Variants in COBLL1 observed in about 807,000 individuals in gnomAD.
The protein encoded by COBLL1 is cordon-bleu WH2 repeat protein like 1.
A neutral mutation model predicts 94.8 loss-of-function variants in COBLL1; 50 were observed. That is an observed-to-expected ratio of 0.53 (90% confidence interval 0.42 to 0.67). COBLL1 has a LOEUF of 0.67. Among genes scored for constraint, COBLL1 ranks in the 30% least tolerant of loss-of-function variants. The pLI is 0.00. For synonymous variants in COBLL1, 448 were observed against 473.8 expected (o/e 0.95, Z 0.71); for missense variants, 1,362 against 1,348.7 (o/e 1.01, Z -0.15).
Position 164,805,287 on chromosome 2 carries a change from G to GTC in COBLL1, c.41+35867_41+35868dup, listed in dbSNP as rs543005860. ...TACTGATATATTATTCTCTCTGTCTGTCTCTCTCTCTCTCTCTCTCTCTCT... is the reference window on the plus strand; with the variant it reads ...TACTGATATATTATTCTCTCTGTCTGTCTCTCTCTCTCTCTCTCTCTCTCTCT... On this transcript the variant is annotated intron_variant, in intron 2 of 13. Transcript: ENST00000652658. Among the ~76,000 whole-genome samples, 28 of 34,242 alleles carry GTC rather than the reference G, an allele frequency of 8.2e-4. 1 individual carries two copies. The highest frequency in any genetic ancestry group is 1.1e-3 in the African/African-American group (8 of 7,464). 22.5% of individuals were successfully genotyped at this position (34,242 alleles called of 152,430 possible).
intron 2 of COBLL1, among the ~76,000 whole-genome samples, chr2:164,825,216 C>A (rs1046485308): frequency 6.6e-6 from 1 of 151,972 alleles, no homozygotes; most frequent in East Asian, 1.9e-4. Flanking sequence ...ATTACTGTGA[C>A]CCTGATACTT....
chr2:164,776,386 T>C (rs1194111836), intron 2 of COBLL1, among the ~76,000 whole-genome samples: 7 of 152,046 alleles, frequency 4.6e-5, no homozygotes, highest in African/African-American at 1.7e-4. Context: ...GTCTGGTATA[T>C]ACAAGCACCC....
chr2:164,787,112 C>T (rs922439878), intron 2 of COBLL1, among the ~76,000 whole-genome samples: 1 of 152,170 alleles, frequency 6.6e-6, no homozygotes, highest in East Asian at 1.9e-4. Flanking sequence ...TCCACAAACA[C>T]TAAGGAATTG....
At chr2:164,711,904 T>A (rs965782884) in intron 7 of COBLL1, among the ~76,000 whole-genome samples, 6 of 152,192 alleles carry the variant, frequency 3.9e-5, no homozygotes, top group Non-Finnish European at 1.5e-5. Context: ...CTGATAAGTC[T>A]GCTTGCCATT....
chr2:164,834,699 T>C (rs984132088), intron 2 of COBLL1, among the ~76,000 whole-genome samples: 10 of 152,244 alleles, frequency 6.6e-5, no homozygotes, highest in African/African-American at 2.2e-4. Flanking sequence ...TACTCAACTA[T>C]AATGTGAAAG....
intron 2 of COBLL1, among the ~76,000 whole-genome samples, chr2:164,782,076 C>T (rs1021409002): frequency 6.6e-6 from 1 of 152,110 alleles, no homozygotes; most frequent in Non-Finnish European, 1.5e-5. Context: ...CCAGCCAACA[C>T]TTCTAATTCT....
rs886682052 is a variant in COBLL1, at chr2:164,684,755, G to A, written c.*1191C>T. The A allele has an allele frequency of 4.6e-5, 7 of 151,798 alleles. No individual in the cohort carries two copies. The highest frequency in any genetic ancestry group is 1.5e-4 in the African/African-American group (6 of 41,312). The allele number at this position is 151,798 out of a possible 1,614,324, so 9.4% of individuals were successfully genotyped here. A position where few individuals can be genotyped will look rare whatever the true frequency, so the allele number is the denominator to read the frequency against. On this transcript the variant is annotated 3_prime_UTR_variant, in exon 14 of 14. Transcript: ENST00000652658. ...TGACACAAACTATATATTTTAAAAA[G>A]CACCCCAAATATACAACTTGCTTTT...
chr2:164,735,465 T>C (rs1180335673), intron 3 of COBLL1, among the ~76,000 whole-genome samples: 1 of 152,182 alleles, frequency 6.6e-6, no homozygotes, highest in Non-Finnish European at 1.5e-5. Context: ...AAATATTTAA[T>C]TGAAGCCTCA....
intron 2 of COBLL1, among the ~76,000 whole-genome samples, chr2:164,767,389 T>C (rs938540224): frequency 6.6e-6 from 1 of 152,208 alleles, no homozygotes; most frequent in African/African-American, 2.4e-5. Flanking sequence ...CAAAATTCTC[T>C]AATATTTCTA....
At chr2:164,773,274 G>A (rs1057365026) in intron 2 of COBLL1, among the ~76,000 whole-genome samples, 24 of 152,038 alleles carry the variant, frequency 1.6e-4, no homozygotes, top group African/African-American at 5.6e-4. Flanking sequence ...CTAGATTAGC[G>A]TGATTATCAT....
At chr2:164,823,485 TTACCCTCCTTC>T (rs1262438400) in intron 2 of COBLL1, among the ~76,000 whole-genome samples, 14 of 152,156 alleles carry the variant, frequency 9.2e-5, no homozygotes, top group Admixed American at 9.2e-4. Context: ...TCCAAACCTC[TTACCCTCCTTC>T]ACCGCAGCAA....
At chr2:164,816,644 A>T (rs1684764189) in intron 2 of COBLL1, among the ~76,000 whole-genome samples, 1 of 152,300 alleles carries the variant, frequency 6.6e-6, no homozygotes, top group South Asian at 2.1e-4. Context: ...ATAATATAAA[A>T]ATATATATCT....
At chr2:164,784,338 T>C (rs2105282069) in intron 2 of COBLL1, among the ~76,000 whole-genome samples, 1 of 152,132 alleles carries the variant, frequency 6.6e-6, no homozygotes, top group East Asian at 1.9e-4. Flanking sequence ...CCTAGGTCGT[T>C]TTATTATTCT....
intron 12 of COBLL1, 127 bp from the exon 13 acceptor site, chr2:164,692,524 GCT>G: frequency 1.5e-6 from 1 of 687,754 alleles, no homozygotes; most frequent in Non-Finnish European, 2.4e-6. Flanking sequence ...TTCAGACACA[GCT>G]CTGTTTCCTC....
chr2:164,691,252 C>T (rs1028582609), intron 13 of COBLL1, among the ~76,000 whole-genome samples: 8 of 152,086 alleles, frequency 5.3e-5, no homozygotes, highest in South Asian at 2.1e-4. Context: ...TTGAAAGGCC[C>T]GGAAAGCCTT....
intron 2 of COBLL1, among the ~76,000 whole-genome samples, chr2:164,767,911 T>G (rs887882675): frequency 1.3e-5 from 2 of 152,180 alleles, no homozygotes; most frequent in Non-Finnish European, 2.9e-5. Context: ...AACAAAATTT[T>G]GAAGAAATAT....
chr2:164,766,942 C>T lies in COBLL1; in HGVS notation c.42-23067G>A, dbSNP rs192256144. Among the ~76,000 whole-genome samples the T allele has an allele frequency of 5.2e-3, 795 of 152,300 alleles. 12 individuals are homozygous for T. Among genetic ancestry groups the T allele is most frequent in the African/African-American group, 0.018 (734 of 41,558 alleles). On this transcript the variant is annotated intron_variant, in intron 2 of 13. Transcript: ENST00000652658. ...TATGATTAAAACAGTATAATAACCA[C>T]AAGCCTCTACTTTTCCATTGAGCCA...
intron 10 of COBLL1, 152 bp downstream of exon 10, chr2:164,700,370 C>G: frequency 1.9e-6 from 1 of 535,354 alleles, no homozygotes; most frequent in South Asian, 3.2e-5. Flanking sequence ...ATAAGTACTT[C>G]ATTAATAAAC....
intron 7 of COBLL1, among the ~76,000 whole-genome samples, chr2:164,717,631 G>A (rs1355283930): frequency 1.3e-5 from 2 of 152,178 alleles, no homozygotes; most frequent in African/African-American, 2.4e-5. Flanking sequence ...ACAGCTCATT[G>A]CAGCTTTGAA....
Sources: gnomAD v4.1 joint callset for allele counts (sites outside exome capture counted in the v4.1 genomes callset) on GRCh38, gnomAD v4.1.1 for gene constraint, MANE v1.5 for transcripts, NCBI Gene and HGNC (gene_info 2026-07-23, HGNC 2026-07-21) for gene names.